The following CTNNA3 variants were observed in gnomAD, a reference collection of about 807,000 sequenced individuals.
CTNNA3 encodes catenin alpha 3, also known as catenin alpha-3.
Under a neutral mutation model 95.7 loss-of-function variants are expected in CTNNA3, and 76 were observed. That is an observed-to-expected ratio of 0.79 (90% CI 0.66 to 0.96). CTNNA3 has a LOEUF of 0.96. CTNNA3 is among the 40% of genes least tolerant of loss of function. CTNNA3 has a pLI of 0.00. For synonymous variants in CTNNA3, 431 were observed against 374.4 expected (o/e 1.15, Z -1.74); for missense variants, 1,191 against 1,089.8 (o/e 1.09, Z -1.31).
intron 7 of CTNNA3, among the ~76,000 whole-genome samples, chr10:66,894,197 T>C (rs1219348580): frequency 6.6e-6 from 1 of 151,928 alleles, no homozygotes; most frequent in African/African-American, 2.4e-5. Flanking sequence ...ATTTTTATAA[T>C]TAAAAAAAAG....
chr10:67,452,095 G>T (rs1032878685), intron 5 of CTNNA3, among the ~76,000 whole-genome samples: 2 of 150,882 alleles, frequency 1.3e-5, no homozygotes, highest in African/African-American at 4.9e-5. Flanking sequence ...AGGAAGGAAG[G>T]AAGGAAGGAG....
intron 11 of CTNNA3, among the ~76,000 whole-genome samples, chr10:66,454,222 T>C (rs1408200498): frequency 6.6e-6 from 1 of 152,212 alleles, no homozygotes; most frequent in East Asian, 1.9e-4. Context: ...ACTAGACTTC[T>C]AGACTGCAGA....
chr10:67,699,162 T>C (rs1841013243), upstream of CTNNA3, among the ~76,000 whole-genome samples: 1 of 152,170 alleles, frequency 6.6e-6, no homozygotes, highest in Non-Finnish European at 1.5e-5. Context: ...CTTTCTCCAA[T>C]GATCAGTGCA....
chr10:67,564,498 TG>T (rs779669477), intron 3 of CTNNA3, among the ~76,000 whole-genome samples: 3 of 49,096 alleles, frequency 6.1e-5, no homozygotes, highest in Non-Finnish European at 1.1e-4. Context: ...TGTCATGGGG[TG>T]GGGGGAGGGG....
intron 7 of CTNNA3, among the ~76,000 whole-genome samples, chr10:66,782,494 T>A (rs1261177758): frequency 6.6e-6 from 1 of 152,054 alleles, no homozygotes; most frequent in Non-Finnish European, 1.5e-5. Flanking sequence ...TCAATTTTGC[T>A]ATAAAAATTT....
intron 7 of CTNNA3, among the ~76,000 whole-genome samples, chr10:67,079,104 A>C (rs1856898806): frequency 6.6e-6 from 1 of 152,162 alleles, no homozygotes; most frequent in African/African-American, 2.4e-5. Context: ...ACCAGGAATA[A>C]TCCATATTTA....
chr10:66,337,797 G>T (rs748125373), intron 12 of CTNNA3, among the ~76,000 whole-genome samples: 3 of 152,060 alleles, frequency 2.0e-5, no homozygotes, highest in Non-Finnish European at 2.9e-5. Context: ...ATACATCACT[G>T]ATGGGAATAT....
intron 7 of CTNNA3, among the ~76,000 whole-genome samples, chr10:67,046,865 G>A (rs1027160957): frequency 6.6e-6 from 1 of 152,122 alleles, no homozygotes; most frequent in African/African-American, 2.4e-5. Flanking sequence ...TAGGAATTAA[G>A]GGTCCAAAGA....
chr10:67,371,514 A>T (rs1046350053), intron 5 of CTNNA3, among the ~76,000 whole-genome samples: 1 of 151,990 alleles, frequency 6.6e-6, no homozygotes. Flanking sequence ...TTTGCTGAGA[A>T]TGATAGTTTC....
At chr10:67,673,177 A>G (rs113341135) in intron 1 of CTNNA3, among the ~76,000 whole-genome samples, 32,602 of 149,390 alleles carry the variant, frequency 0.22, 6,965 homozygotes, top group African/African-American at 0.58. Flanking sequence ...TTATTGGTGT[A>G]TAAGAATGCT....
intron 12 of CTNNA3, among the ~76,000 whole-genome samples, chr10:66,282,798 C>A (rs1353601081): frequency 6.6e-6 from 1 of 151,826 alleles, no homozygotes; most frequent in Admixed American, 6.6e-5. Flanking sequence ...ACAGTGTTTA[C>A]AAGTTTTCAA....
intron 12 of CTNNA3, among the ~76,000 whole-genome samples, chr10:66,372,944 AAAC>A (rs2092765208): frequency 6.6e-6 from 1 of 152,134 alleles, no homozygotes; most frequent in Admixed American, 6.6e-5. Flanking sequence ...GGACACAGCC[AAAC>A]CACATCAGTT....
upstream of CTNNA3, among the ~76,000 whole-genome samples, chr10:67,700,805 G>T (rs895841586): frequency 2.6e-5 from 4 of 152,180 alleles, no homozygotes; most frequent in African/African-American, 9.7e-5. Context: ...AGAGAAGAAG[G>T]CTTCAGACGA....
At chr10:67,348,734 C>T (rs542151095) in intron 5 of CTNNA3, among the ~76,000 whole-genome samples, 19 of 152,276 alleles carry the variant, frequency 1.2e-4, no homozygotes, top group African/African-American at 4.6e-4. Flanking sequence ...ATGACCCAAA[C>T]ACCTCCCATT....
intron 5 of CTNNA3, among the ~76,000 whole-genome samples, chr10:67,270,250 G>A (rs754284625): frequency 6.6e-6 from 1 of 151,520 alleles, no homozygotes; most frequent in Non-Finnish European, 1.5e-5. Context: ...ACATCTATTC[G>A]CATCTTGACA....
At chr10:66,394,238 G>A (rs138182788) in intron 11 of CTNNA3, among the ~76,000 whole-genome samples, 27 of 152,036 alleles carry the variant, frequency 1.8e-4, no homozygotes, top group Middle Eastern at 3.4e-3. Flanking sequence ...TAGCTAGAGG[G>A]AACTTCAAGT....
chr10:66,975,519 G>A (rs1849978559), intron 7 of CTNNA3, among the ~76,000 whole-genome samples: 1 of 152,146 alleles, frequency 6.6e-6, no homozygotes, highest in Non-Finnish European at 1.5e-5. Flanking sequence ...TATTTGGCTG[G>A]ATATTGCAAA....
chr10:66,921,831 A>T (rs1846803826), intron 7 of CTNNA3, among the ~76,000 whole-genome samples: 1 of 152,176 alleles, frequency 6.6e-6, no homozygotes, highest in Non-Finnish European at 1.5e-5. Context: ...TAATCTTCAC[A>T]AGGGTACAGG....
At chr10:67,160,721 C>A (rs967150482) in intron 7 of CTNNA3, among the ~76,000 whole-genome samples, 3 of 152,112 alleles carry the variant, frequency 2.0e-5, no homozygotes, top group Admixed American at 6.5e-5. Flanking sequence ...CAGGTGTGAG[C>A]CACTGTGCTC....
Sources: allele counts gnomAD v4.1 joint callset (sites outside exome capture counted in the v4.1 genomes callset), GRCh38; gene constraint gnomAD v4.1.1; transcripts MANE v1.5; gene names NCBI Gene and HGNC (gene_info 2026-07-23, HGNC 2026-07-21).